LGI2: variants seen among roughly 807,000 people sequenced by gnomAD.
LGI2 encodes leucine-rich repeat LGI family member 2.
A neutral mutation model predicts 52.0 loss-of-function variants in LGI2; 30 were observed. The observed-to-expected ratio is 0.58, with a 90% CI of 0.43 to 0.78. The LOEUF is 0.78. Ranked by LOEUF, LGI2 falls within the 30% of genes least tolerant of loss-of-function variation. The pLI is 0.00. For synonymous variants in LGI2, 270 were observed against 271.8 expected, an observed-to-expected ratio of 0.99 and a Z score of 0.06; for missense variants, 573 against 692.5, an observed-to-expected ratio of 0.83 and a Z score of 1.94.
chr4:25,003,583 A>C lies in LGI2; in HGVS notation c.1506T>G (p.Phe502Leu). ...GAGGCGCCTGCACGTAAATCTCCTT[A>C]AACTTTTTGAATAGCTGCTTCTCTT... ...WDKEKQLFKK[F>L]KEIYVQAPRS... The change falls in exon 8 of 8, where the codon TTT becomes TTG. Residue 502 changes from phenylalanine to leucine, a missense_variant. Phe to Leu is a conservative substitution (Grantham distance 22). Coordinates refer to ENST00000382114, the MANE Select transcript of LGI2 (RefSeq NM_018176.4). The C allele has an allele frequency of 2.5e-6, 4 of 1,614,174 alleles. No homozygotes were observed. The highest frequency in any genetic ancestry group is 3.3e-4 in the Middle Eastern group (2 of 6,062).
rs376300354 is a variant in LGI2, at chr4:25,017,976, A to C, written c.655+13T>G. ...TCTAAATATCCGTGTCTGATGAGAT[A>C]GGCTCTGAATACCTGTAGTTGTGCA... is the stretch of plus-strand genomic sequence containing the variant. On this transcript the variant is annotated intron_variant, in intron 6 of 7. Transcript: ENST00000382114. 2.0e-4 allele frequency: 314 copies of C among 1,594,168 alleles called. 2 individuals are homozygous for C. In the South Asian group the frequency reaches 3.1e-3, roughly 15 times the overall value.
At chr4:25,021,801 C>A (rs1474073838) in intron 4 of LGI2, among the ~76,000 whole-genome samples, 6 of 151,864 alleles carry the variant, frequency 4.0e-5, no homozygotes, top group Admixed American at 3.3e-4. Context: ...CATGGTGGCA[C>A]ACGCCTGTAG....
At chr4:24,996,109 C>T (rs1350193156), downstream of LGI2, among the ~76,000 whole-genome samples, 3 of 152,054 alleles carry the variant, frequency 2.0e-5, no homozygotes, top group East Asian at 1.9e-4. Context: ...TCAGGGGTAC[C>T]GTAAAGATCA....
intron 1 of LGI2, among the ~76,000 whole-genome samples, chr4:25,028,904 C>T (rs1480848050): frequency 1.3e-5 from 2 of 152,214 alleles, no homozygotes; most frequent in South Asian, 2.1e-4. Context: ...AATGGATAAT[C>T]GCTTCACCTC....
rs780889217 is a variant in LGI2, at chr4:25,004,564, A to G, written c.821-296T>C. Among the ~76,000 whole-genome samples the G allele has an allele frequency of 1.3e-5, 2 of 152,170 alleles. No individual in the cohort carries two copies. Among genetic ancestry groups the G allele is most frequent in the Non-Finnish European group, 2.9e-5 (2 of 68,030 alleles). ...TGCATATGATGAAACCTCATCTCCA[A>G]TGTGATGGTATTTGGTGGTGGGGCC... On this transcript the variant is annotated intron_variant, in intron 7 of 7. Coordinates refer to ENST00000382114, the MANE Select transcript of LGI2 (RefSeq NM_018176.4). The surrounding 1 kb of genome is among the most constrained non-coding windows in gnomAD (Gnocchi z 4.6).
chr4:25,027,061 G>T, intron 2 of LGI2, 122 bp from the exon 3 acceptor site: 1 of 726,244 alleles, frequency 1.4e-6, no homozygotes, highest in Non-Finnish European at 2.4e-6. Context: ...TTAGCCTAAG[G>T]AGACCACATT....
rs185394049 is a variant in LGI2, at chr4:25,004,827, C to T, written c.821-559G>A. On this transcript the variant is annotated intron_variant, in intron 7 of 7. Transcript: ENST00000382114. This position sits in a 1 kb window ranked among gnomAD's most constrained non-coding sequence, Gnocchi z 4.6. ...AGTCTACGGTATTCTGTTGCAGCAG[C>T]CCAAACAGACTAAGACACCTATAAC... 6.6e-6 allele frequency among the ~76,000 whole-genome samples: 1 copy of T among 152,258 alleles called. No individual in the cohort carries two copies. Among genetic ancestry groups the T allele is most frequent in the East Asian group, 1.9e-4 (1 of 5,178 alleles).
In LGI2 at chr4:25,004,010, C is replaced by G. The variant is rs763258547; in HGVS notation, c.1079G>C (p.Gly360Ala). 1.2e-6 allele frequency: 2 copies of G among 1,614,186 alleles called. No homozygotes were observed. Among genetic ancestry groups the G allele is most frequent in the Non-Finnish European group, 1.7e-6 (2 of 1,180,032 alleles). Residue 360 changes from glycine (G) to alanine (A), a missense_variant, in exon 8 of 8, where the codon GGA (glycine) becomes GCA (alanine). Transcript: ENST00000382114. This position sits in a 1 kb window ranked among gnomAD's most constrained non-coding sequence, Gnocchi z 4.6. The stretch of plus-strand genomic sequence containing the variant: ...GTGCAGTGACTGGTAAGAATAGAAT[C>G]CTTTGCTGTTCCATTTATAAACTGT... Reference protein sequence around the residue: ...LSTVYKWNSKGFYSYQSLHEW... With the variant: ...LSTVYKWNSKAFYSYQSLHEW...
In LGI2 at chr4:25,004,447, C is replaced by T. The variant is rs1167907559; in HGVS notation, c.821-179G>A. On this transcript the variant is annotated intron_variant, in intron 7 of 7. Coordinates refer to ENST00000382114, the MANE Select transcript of LGI2 (RefSeq NM_018176.4). The surrounding 1 kb of genome is among the most constrained non-coding windows in gnomAD (Gnocchi z 4.6). ...ACCCTATGAGCCAGCAATTCCACTT[C>T]TTTGTATATACCCAAAATAATTGAA... is the stretch of plus-strand genomic sequence containing the variant. 6.6e-6 allele frequency among the ~76,000 whole-genome samples: 1 copy of T among 152,218 alleles called. No homozygotes were observed. Among genetic ancestry groups the T allele is most frequent in the Non-Finnish European group, 1.5e-5 (1 of 68,038 alleles).
intron 4 of LGI2, 66 bp from the exon 5 acceptor site, chr4:25,019,304 C>T: frequency 2.9e-6 from 3 of 1,043,108 alleles, no homozygotes; most frequent in Non-Finnish European, 4.4e-6. Flanking sequence ...CAACTCCCTT[C>T]AGATAAAGCT....
chr4:25,010,518 C>T (rs1725545591), intron 7 of LGI2, among the ~76,000 whole-genome samples: 2 of 152,208 alleles, frequency 1.3e-5, no homozygotes, highest in South Asian at 2.1e-4. Context: ...GAGGCACATC[C>T]ACTCCCCATT....
Position 25,001,857 on chromosome 4 carries a change from T to G in LGI2, c.*1594A>C, listed in dbSNP as rs896289825. 1 of 152,170 alleles carries G rather than the reference T, an allele frequency of 6.6e-6. No homozygotes were observed. Among genetic ancestry groups the G allele is most frequent in the African/African-American group, 2.4e-5 (1 of 41,430 alleles). The allele number at this position is 152,170 out of a possible 1,614,324, so 9.4% of individuals were successfully genotyped here. ...ACATTCATATTTGTGGCAAAACATC[T>G]ACCTACTCATGACATGGCAAATAGT... On this transcript the variant is annotated 3_prime_UTR_variant, in exon 8 of 8. Transcript: ENST00000382114.
At position 25,003,705 on chromosome 4, in the gene LGI2, G is replaced by T. The variant is rs377152931; in HGVS notation, c.1384C>A (p.Arg462=). The T allele has an allele frequency of 2.5e-6, 4 of 1,614,160 alleles. No homozygotes were observed. Among genetic ancestry groups the T allele is most frequent in the Non-Finnish European group, 3.4e-6 (4 of 1,180,024 alleles). Reference sequence around the variant, plus strand: ...AAGGGCTGCAGGGTCATGGCCCCCCGGGATGGAAGAGCTTGGATCTCCACA... The same window carrying T: ...AAGGGCTGCAGGGTCATGGCCCCCCTGGATGGAAGAGCTTGGATCTCCACA... ...QFVEIQALPS[R]GAMTLQPFSF... Residue 462 remains arginine (R), a synonymous_variant, in exon 8 of 8, where the codon CGG becomes AGG. Transcript: ENST00000382114.
At position 25,003,756 on chromosome 4, in the gene LGI2, C is replaced by T; in HGVS notation, c.1333G>A (p.Val445Ile). 3 of 1,614,186 alleles carry T rather than the reference C, an allele frequency of 1.9e-6. No individual in the cohort carries two copies. The highest frequency in any genetic ancestry group is 2.5e-6 in the Non-Finnish European group (3 of 1,180,050). ...SLTRFIGDSRVMRWNSKQFVE... is the reference protein window; with the variant it reads ...SLTRFIGDSRIMRWNSKQFVE... ...AACTGCTTACTGTTCCACCTCATGA[C>T]CCGGGAGTCCCCGATGAAGCGGGTA... Residue 445 changes from valine (V) to isoleucine (I), a missense_variant, in exon 8 of 8, where the codon GTC becomes ATC. Coordinates refer to ENST00000382114, the MANE Select transcript of LGI2 (RefSeq NM_018176.4).
Position 25,018,110 on chromosome 4 carries a change from T to A in LGI2, c.534A>T (p.Leu178=). The A allele has an allele frequency of 6.2e-7, 1 of 1,612,906 alleles. No homozygotes were observed. The part of the protein sequence containing the change: ...KFECDCKAKW[L]YLWLKMTNST... ...AATTTGTCATCTTCAACCACAGGTATAGCCACTTGGCTTTGCAGTCACATT... is the reference window on the plus strand; with the variant it reads ...AATTTGTCATCTTCAACCACAGGTAAAGCCACTTGGCTTTGCAGTCACATT... The change falls in exon 6 of 8, where the codon CTA becomes CTT. Residue 178 remains leucine, a synonymous_variant. Transcript: ENST00000382114.
intron 1 of LGI2, among the ~76,000 whole-genome samples, chr4:25,028,950 G>T (rs188419728): frequency 1.1e-3 from 163 of 152,318 alleles, no homozygotes; most frequent in African/African-American, 3.4e-3. Flanking sequence ...ACAGCGTTGT[G>T]TTGGCCTATG....
chr4:25,014,853 A>G lies in LGI2; in HGVS notation c.656-2354T>C, dbSNP rs28573335. Among the ~76,000 whole-genome samples, 924 of 99,460 alleles carry G rather than the reference A, an allele frequency of 9.3e-3. 11 individuals carry two copies. Among genetic ancestry groups the G allele is most frequent in the African/African-American group, 0.04 (874 of 21,896 alleles). The allele number at this position is 99,460 out of a possible 152,430, so 65.2% of individuals were successfully genotyped here. On this transcript the variant is annotated intron_variant, in intron 6 of 7. Transcript: ENST00000382114. ...CTCAAAAAAAAAAAAAAAAAAAAAA[A>G]AGAGAGAGAGAGAGAGAGAATGAAA... is the stretch of plus-strand genomic sequence containing the variant.
At position 25,027,394 on chromosome 4, in the gene LGI2, T is replaced by TAAAAA. The variant is rs10615910; in HGVS notation, c.270-460_270-456dup. Reference sequence around the variant, plus strand: ...ATGCAGCTGGACCCATAACAATAGTTAAAAAAAAAAAAAAAAAAGTTTGTT... The same window carrying TAAAAA: ...ATGCAGCTGGACCCATAACAATAGTTAAAAAAAAAAAAAAAAAAAAAAAGTTTGTT... On this transcript the variant is annotated intron_variant, in intron 2 of 7. Coordinates refer to ENST00000382114, the MANE Select transcript of LGI2 (RefSeq NM_018176.4). Among the ~76,000 whole-genome samples the TAAAAA allele has an allele frequency of 8.3e-4, 120 of 144,416 alleles. 1 individual carries two copies. The highest frequency in any genetic ancestry group is 5.8e-3 in the East Asian group (29 of 5,028). 94.7% of individuals were successfully genotyped at this position (144,416 alleles called of 152,430 possible).
Position 25,003,771 on chromosome 4 carries a change from T to A in LGI2, c.1318A>T (p.Ile440Phe), listed in dbSNP as rs1725317144. 3.7e-6 allele frequency: 6 copies of A among 1,614,190 alleles called. No individual in the cohort carries two copies. The highest frequency in any genetic ancestry group is 5.1e-6 in the Non-Finnish European group (6 of 1,180,042). ...CACCTCATGACCCGGGAGTCCCCGA[T>A]GAAGCGGGTAAGGGAAAGGTAGAGG... ...NTLYLSLTRF[I>F]GDSRVMRWNS... Residue 440 changes from isoleucine (I) to phenylalanine (F), a missense_variant, in exon 8 of 8, where the codon ATC becomes TTC. Transcript: ENST00000382114.
Sources: gnomAD v4.1 joint callset for allele counts (sites outside exome capture counted in the v4.1 genomes callset) on GRCh38, gnomAD v4.1.1 for gene constraint, Gnocchi (gnomAD v3.1) non-coding constraint, MANE v1.5 for transcripts, NCBI Gene and HGNC (gene_info 2026-07-23, HGNC 2026-07-21) for gene names.